Variants in RGS12 observed in about 807,000 individuals in gnomAD.
RGS12 encodes the protein regulator of G protein signaling 12.
A neutral mutation model predicts 120.1 loss-of-function variants in RGS12; 66 were observed. That is an observed-to-expected ratio of 0.55 (90% CI 0.45 to 0.67). The LOEUF (loss-of-function observed/expected upper bound fraction) is 0.67, where lower values mean the gene tolerates loss of function less well. RGS12 is among the 30% of genes least tolerant of loss of function. The probability of loss-of-function intolerance (pLI) is 0.00; values close to 1 mark genes in which losing one functional copy is unlikely to be tolerated. For synonymous variants in RGS12, 827 were observed against 804.7 expected, an observed-to-expected ratio of 1.03 and a Z score of -0.47; for missense variants, 1,859 against 1,957.7, an observed-to-expected ratio of 0.95 and a Z score of 0.95.
chr4:3,437,334 G>A (rs1389875983), intron 17 of RGS12, among the ~76,000 whole-genome samples: 1 of 152,200 alleles, frequency 6.6e-6, no homozygotes, highest in Admixed American at 6.5e-5. Flanking sequence ...GGGCCCTCAG[G>A]GGCCTGTCCT....
At chr4:3,323,332 A>G (rs1725329692) in intron 2 of RGS12, among the ~76,000 whole-genome samples, 1 of 152,224 alleles carries the variant, frequency 6.6e-6, no homozygotes, top group Admixed American at 6.5e-5. Flanking sequence ...TCACAGACAC[A>G]ATGCGAACAG....
At chr4:3,364,599 A>T (rs1716107395) in intron 3 of RGS12, among the ~76,000 whole-genome samples, 2 of 152,008 alleles carry the variant, frequency 1.3e-5, no homozygotes, top group African/African-American at 4.8e-5. Context: ...GGAGTGCCCG[A>T]CGCTCAGAGG....
intron 2 of RGS12, among the ~76,000 whole-genome samples, chr4:3,321,277 A>T (rs1422660628): frequency 6.6e-6 from 1 of 152,220 alleles, no homozygotes; most frequent in African/African-American, 2.4e-5. Context: ...GCCTTATCTG[A>T]CAGGACTGTG....
Position 3,309,076 on chromosome 4 carries a change from C to T in RGS12, c.-101-6994C>T, listed in dbSNP as rs1332521171. On this transcript the variant is annotated intron_variant, in intron 1 of 17. Transcript: ENST00000336727. ...GAGCTGAGCAGGAGAGGAGCTGGGA[C>T]TCGGGAATGGCAGGTGTCTGCTGAG... is the stretch of plus-strand genomic sequence containing the variant. Among the ~76,000 whole-genome samples, 10 of 123,416 alleles carry T rather than the reference C, an allele frequency of 8.1e-5. No individual in the cohort carries two copies. In the South Asian group the frequency reaches 1.3e-3, roughly 16 times the overall value. 81.0% of individuals were successfully genotyped at this position (123,416 alleles called of 152,430 possible).
rs541914815 is a variant in RGS12, at chr4:3,341,041, G to T, written c.1882-1896G>T. 2.5e-3 allele frequency among the ~76,000 whole-genome samples: 382 copies of T among 151,508 alleles called. 1 individual carries two copies. Among genetic ancestry groups the T allele is most frequent in the African/African-American group, 8.7e-3 (361 of 41,264 alleles). On this transcript the variant is annotated intron_variant, in intron 2 of 17. Transcript: ENST00000336727. Reference sequence around the variant, plus strand: ...AGCCTTAGAGCCTTCTCTCGGCCTGGTGGGGGCCCAGTGGTGGCGTCCCTC... The same window carrying T: ...AGCCTTAGAGCCTTCTCTCGGCCTGTTGGGGGCCCAGTGGTGGCGTCCCTC...
In RGS12 at chr4:3,423,505, C is replaced by T; in HGVS notation, c.3108-10C>T. On this transcript the variant is annotated splice_polypyrimidine_tract_variant and intron_variant, in intron 12 of 17. Transcript: ENST00000336727. The stretch of plus-strand genomic sequence containing the variant: ...ATGAGTTGGTAGTGAATTTTTTCAT[C>T]CCCCACCAGGCTGGATCTTGTTCCG... 1 of 1,612,736 alleles carries T rather than the reference C, an allele frequency of 6.2e-7. No homozygotes were observed. The highest frequency in any genetic ancestry group is 8.5e-7 in the Non-Finnish European group (1 of 1,179,554).
chr4:3,298,366 T>A (rs1410050325), intron 1 of RGS12, among the ~76,000 whole-genome samples: 1 of 152,150 alleles, frequency 6.6e-6, no homozygotes, highest in Non-Finnish European at 1.5e-5. Context: ...ATTTTTTTTT[T>A]AAGAGACGGA....
intron 1 of RGS12, among the ~76,000 whole-genome samples, chr4:3,307,125 C>A (rs558627639): frequency 7.2e-5 from 11 of 152,370 alleles, no homozygotes; most frequent in African/African-American, 2.2e-4. Flanking sequence ...TGCCTCCCCC[C>A]ACAAGCTTAG....
chr4:3,349,438 A>G (rs541587000), intron 3 of RGS12, among the ~76,000 whole-genome samples: 9 of 152,228 alleles, frequency 5.9e-5, no homozygotes, highest in Admixed American at 1.3e-4. Context: ...CATACCTATA[A>G]CTTTCTTCAC....
At chr4:3,322,095 G>A (rs571681518) in intron 2 of RGS12, among the ~76,000 whole-genome samples, 4 of 152,278 alleles carry the variant, frequency 2.6e-5, no homozygotes, top group South Asian at 2.1e-4. Flanking sequence ...CCGGGTTTCC[G>A]CCCTCAGTGG....
At chr4:3,369,465 T>C (rs1039499749) in intron 3 of RGS12, among the ~76,000 whole-genome samples, 1 of 152,130 alleles carries the variant, frequency 6.6e-6, no homozygotes, top group Non-Finnish European at 1.5e-5. Context: ...CCTGTGGGCA[T>C]TGAGTTTGCA....
chr4:3,369,314 C>T (rs1304495393), intron 3 of RGS12, among the ~76,000 whole-genome samples: 2 of 152,258 alleles, frequency 1.3e-5, no homozygotes, highest in Non-Finnish European at 2.9e-5. Context: ...GTGTCCAGTG[C>T]TGTGGGTTCT....
intron 4 of RGS12, 188 bp from the exon 5 acceptor site, chr4:3,413,884 C>T (rs1226946681): frequency 1.2e-5 from 7 of 600,212 alleles, no homozygotes; most frequent in South Asian, 9.5e-5. Flanking sequence ...TGTTTTGTTC[C>T]CTGCTCCATC....
intron 3 of RGS12, among the ~76,000 whole-genome samples, chr4:3,362,489 GGT>G (rs370174777): frequency 2.1e-4 from 27 of 131,038 alleles, no homozygotes; most frequent in South Asian, 8.3e-4. Context: ...TGTATGTGAG[GGT>G]GTGTGTGAGG....
chr4:3,306,733 C>G (rs1039005560), intron 1 of RGS12, among the ~76,000 whole-genome samples: 1 of 152,160 alleles, frequency 6.6e-6, no homozygotes, highest in East Asian at 1.9e-4. Context: ...TCTGAGCCCA[C>G]CCTCTGTGGC....
intron 2 of RGS12, among the ~76,000 whole-genome samples, chr4:3,328,951 T>C (rs1711532403): frequency 6.6e-6 from 1 of 152,148 alleles, no homozygotes; most frequent in Admixed American, 6.5e-5. Flanking sequence ...CTCCCCCTTG[T>C]CTACTAACCA....
Position 3,400,479 on chromosome 4 carries a change from C to G in RGS12, c.2021-13593C>G, listed in dbSNP as rs188973179. On this transcript the variant is annotated intron_variant, in intron 4 of 17. Coordinates refer to ENST00000336727, the MANE Select transcript of RGS12 (RefSeq NM_001394154.1). ...TGTGTTACATTAATAGATTAAAGGA[C>G]GAAAATCATATTATTACCACACTGG... Among the ~76,000 whole-genome samples the G allele has an allele frequency of 6.0e-4, 91 of 151,990 alleles. 1 individual carries two copies. In the South Asian group the frequency reaches 0.014, roughly 23 times the overall value.
At chr4:3,397,781 G>A (rs537979507) in intron 4 of RGS12, among the ~76,000 whole-genome samples, 14 of 152,312 alleles carry the variant, frequency 9.2e-5, no homozygotes, top group Non-Finnish European at 1.6e-4. Context: ...AGTCATCAGC[G>A]TTTCAATGAA....
chr4:3,405,755 T>TTTAGAGGAAGG (rs1721050340), intron 4 of RGS12, among the ~76,000 whole-genome samples: 1 of 152,034 alleles, frequency 6.6e-6, no homozygotes, highest in South Asian at 2.1e-4. Context: ...TGTGAACGTG[T>TTTAGAGGAAGG]TTAGAGGAAG....
Sources: gnomAD v4.1 joint callset for allele counts (sites outside exome capture counted in the v4.1 genomes callset) on GRCh38, gnomAD v4.1.1 for gene constraint, MANE v1.5 for transcripts, NCBI Gene and HGNC (gene_info 2026-07-23, HGNC 2026-07-21) for gene names.